The following RAB3C variants were observed in gnomAD, a reference collection of about 807,000 sequenced individuals.
RAB3C encodes the protein ras-related protein Rab-3C.
A neutral mutation model predicts 26.4 loss-of-function variants in RAB3C; 17 were observed. The ratio of observed to expected loss-of-function variants is 0.64; its 90% CI spans 0.44 to 0.97. The LOEUF is 0.97. Ranked by LOEUF, RAB3C falls within the 50% of genes least tolerant of loss-of-function variation. The probability of loss-of-function intolerance (pLI) is 0.00; values close to 1 mark genes in which losing one functional copy is unlikely to be tolerated. For synonymous variants in RAB3C, 91 were observed against 95.9 expected, an observed-to-expected ratio of 0.95 and a Z score of 0.30; for missense variants, 242 against 281.9, an observed-to-expected ratio of 0.86 and a Z score of 1.01.
chr5:58,617,380 T>C (rs1439179974), intron 1 of RAB3C: 1 of 655,008 alleles, frequency 1.5e-6, no homozygotes, highest in Non-Finnish European at 2.8e-6. Flanking sequence ...TTTGGTGTCT[T>C]TGATTGGTTC....
chr5:58,826,111 C>T (rs892135347), intron 4 of RAB3C, among the ~76,000 whole-genome samples: 3 of 151,798 alleles, frequency 2.0e-5, no homozygotes, highest in African/African-American at 7.3e-5. Context: ...AAAACATTGC[C>T]GGAAGGAGAT....
intron 4 of RAB3C, among the ~76,000 whole-genome samples, chr5:58,840,416 C>A (rs747399555): frequency 3.1e-4 from 47 of 152,052 alleles, no homozygotes; most frequent in Non-Finnish European, 5.9e-4. Context: ...TCTCTTGTAT[C>A]TCAGTTTTCT....
At position 58,828,901 on chromosome 5, in the gene RAB3C, C is replaced by CTTTTTTTTTTTTTTTTTTTT. The variant is rs762653092; in HGVS notation, c.496+3741_496+3760dup. Among the ~76,000 whole-genome samples the CTTTTTTTTTTTTTTTTTTTT allele has an allele frequency of 2.5e-5, 3 of 122,446 alleles. 1 individual carries two copies. The allele number at this position is 122,446 out of a possible 152,430, so 80.3% of individuals were successfully genotyped here. A position where few individuals can be genotyped will look rare whatever the true frequency, so the allele number is the denominator to read the frequency against. On this transcript the variant is annotated intron_variant, in intron 4 of 4. Coordinates refer to ENST00000282878, the MANE Select transcript of RAB3C (RefSeq NM_138453.4). ...CTATAGCTGGTGTTATTTTACCATG[C>CTTTTTTTTTTTTTTTTTTTT]TTTTTTTTTTTTTTTTTTTTTGGAT...
intron 3 of RAB3C, among the ~76,000 whole-genome samples, chr5:58,797,230 AT>A (rs1176980364): frequency 6.6e-6 from 1 of 151,394 alleles, no homozygotes; most frequent in Non-Finnish European, 1.5e-5. Flanking sequence ...TTTTGGATAC[AT>A]AAATATCCTC....
At chr5:58,658,610 G>A (rs73098396) in intron 2 of RAB3C, among the ~76,000 whole-genome samples, 5,532 of 152,206 alleles carry the variant, frequency 0.036, 329 homozygotes, top group African/African-American at 0.13. Context: ...GGCGTAAAAT[G>A]ACAATTTCCT....
At chr5:58,789,400 A>G (rs1007593424) in intron 3 of RAB3C, among the ~76,000 whole-genome samples, 1 of 152,184 alleles carries the variant, frequency 6.6e-6, no homozygotes, top group Non-Finnish European at 1.5e-5. Context: ...ATTTGCTCCT[A>G]TCATTATACA....
rs189543560 is a variant in RAB3C at position 58,748,622 on chromosome 5, G to A, written c.371+22502G>A. 1.5e-4 allele frequency among the ~76,000 whole-genome samples: 23 copies of A among 152,062 alleles called. No individual in the cohort carries two copies. In the East Asian group the frequency reaches 4.3e-3, roughly 28 times the overall value. On this transcript the variant is annotated intron_variant, in intron 3 of 4. Coordinates refer to ENST00000282878, the MANE Select transcript of RAB3C (RefSeq NM_138453.4). ...TGTGTGTGTGTGTGCATGCATGTAT[G>A]TACATGCGTATCTCCCTTCCAGAAA...
chr5:58,847,410 T>A (rs902415166), intron 4 of RAB3C, among the ~76,000 whole-genome samples: 1 of 152,200 alleles, frequency 6.6e-6, no homozygotes, highest in Non-Finnish European at 1.5e-5. Flanking sequence ...GTATCATTGA[T>A]CCAGCTTCCC....
At position 58,852,053 on chromosome 5, in the gene RAB3C, G is replaced by C. The variant is rs960804837; in HGVS notation, c.*702G>C. 7.2e-5 allele frequency: 11 copies of C among 152,116 alleles called. No individual in the cohort carries two copies. Among genetic ancestry groups the C allele is most frequent in the African/African-American group, 2.7e-4 (11 of 41,418 alleles). The allele number at this position is 152,116 out of a possible 1,614,324, so 9.4% of individuals were successfully genotyped here. A position where few individuals can be genotyped will look rare whatever the true frequency, so the allele number is the denominator to read the frequency against. ...AATCTTCGTTTACACATTTAAATAA[G>C]CAAGTATCTACCCAGGACTGCTTTT... On this transcript the variant is annotated 3_prime_UTR_variant, in exon 5 of 5. Coordinates refer to ENST00000282878, the MANE Select transcript of RAB3C (RefSeq NM_138453.4).
Position 58,661,597 on chromosome 5 carries a change from A to C in RAB3C, c.252+43727A>C, listed in dbSNP as rs1035096778. On this transcript the variant is annotated intron_variant, in intron 2 of 4. Transcript: ENST00000282878. ...AGATGAAATAGATCTAGCTTTGATCAAACACACAAGATCTGTCTCTCAATT... is the reference window on the plus strand; with the variant it reads ...AGATGAAATAGATCTAGCTTTGATCCAACACACAAGATCTGTCTCTCAATT... Among the ~76,000 whole-genome samples the C allele has an allele frequency of 4.7e-5, 7 of 147,980 alleles. 1 individual carries two copies. The highest frequency in any genetic ancestry group is 1.8e-4 in the African/African-American group (7 of 37,946).
intron 3 of RAB3C, among the ~76,000 whole-genome samples, chr5:58,811,481 G>A (rs957999190): frequency 8.1e-6 from 1 of 122,770 alleles, no homozygotes; most frequent in Non-Finnish European, 1.7e-5. Context: ...AAAGGTAAAT[G>A]TCGTGTTGAA....
At chr5:58,821,812 G>A (rs1245732923) in intron 3 of RAB3C, among the ~76,000 whole-genome samples, 2 of 152,150 alleles carry the variant, frequency 1.3e-5, no homozygotes, top group Non-Finnish European at 2.9e-5. Context: ...TCTCAGGAAG[G>A]AGAAACAGTG....
rs894780036 is a variant in RAB3C at position 58,851,243 on chromosome 5, C to T, written c.576C>T (p.Cys192=). ...QTFERLVDII[C]DKMSESLETD... ...TTGAGCGCCTTGTGGATATCATCTGCGACAAAATGTCAGAGAGTTTGGAGA... is the reference window on the plus strand; with the variant it reads ...TTGAGCGCCTTGTGGATATCATCTGTGACAAAATGTCAGAGAGTTTGGAGA... The change falls in exon 5 of 5, where the codon TGC becomes TGT. Residue 192 remains cysteine, a synonymous_variant. Transcript: ENST00000282878. 1.1e-5 allele frequency: 17 copies of T among 1,613,760 alleles called. No individual in the cohort carries two copies. The highest frequency in any genetic ancestry group is 1.3e-5 in the African/African-American group (1 of 74,894).
At position 58,690,658 on chromosome 5, in the gene RAB3C, G is replaced by A. The variant is rs116071832; in HGVS notation, c.253-35344G>A. On this transcript the variant is annotated intron_variant, in intron 2 of 4. Coordinates refer to ENST00000282878, the MANE Select transcript of RAB3C (RefSeq NM_138453.4). ...ACAGGGCAATCCAGCTTCTTACGCA[G>A]CAGCTTAGGCCTCTGGAAAGTAAAA... Among the ~76,000 whole-genome samples, 990 of 152,190 alleles carry A rather than the reference G, an allele frequency of 6.5e-3. 9 individuals carry two copies. The highest frequency in any genetic ancestry group is 0.022 in the African/African-American group (931 of 41,532).
At chr5:58,832,740 A>G (rs2112069323) in intron 4 of RAB3C, among the ~76,000 whole-genome samples, 1 of 152,350 alleles carries the variant, frequency 6.6e-6, no homozygotes, top group Middle Eastern at 3.4e-3. Context: ...TGATAGTTAG[A>G]CAAACAGGTG....
intron 2 of RAB3C, among the ~76,000 whole-genome samples, chr5:58,692,843 C>G (rs1044316859): frequency 6.6e-6 from 1 of 152,074 alleles, no homozygotes; most frequent in South Asian, 2.1e-4. Flanking sequence ...CACGGTGGCT[C>G]ACACCTGTAA....
chr5:58,802,498 A>AT (rs1742833406), intron 3 of RAB3C, among the ~76,000 whole-genome samples: 1 of 152,250 alleles, frequency 6.6e-6, no homozygotes, highest in Non-Finnish European at 1.5e-5. Context: ...GGCTGCTGAC[A>AT]TAAGAATGAC....
At chr5:58,623,630 C>T (rs944986309) in intron 2 of RAB3C, among the ~76,000 whole-genome samples, 3 of 152,344 alleles carry the variant, frequency 2.0e-5, no homozygotes, top group Non-Finnish European at 4.4e-5. Flanking sequence ...GGCAGCTGAA[C>T]GCAGGAGCTC....
chr5:58,619,009 C>T (rs1220204146), intron 2 of RAB3C, among the ~76,000 whole-genome samples: 1 of 152,054 alleles, frequency 6.6e-6, no homozygotes, highest in Non-Finnish European at 1.5e-5. Context: ...AAAAAGAAAA[C>T]AGCCCTTTAT....
Sources: allele counts gnomAD v4.1 joint callset (sites outside exome capture counted in the v4.1 genomes callset), GRCh38; gene constraint gnomAD v4.1.1; transcripts MANE v1.5; gene names NCBI Gene and HGNC (gene_info 2026-07-23, HGNC 2026-07-21).